Variants in GNAI1 observed in about 807,000 individuals in gnomAD.
GNAI1 encodes G protein subunit alpha i1.
In GNAI1, 11 loss-of-function variants were observed where a neutral mutation model predicts 38.9. The observed-to-expected ratio is 0.28, with a 90% confidence interval of 0.18 to 0.47. GNAI1 has a LOEUF of 0.47. Among genes scored for constraint, GNAI1 ranks in the 20% least tolerant of loss-of-function variants. The pLI, the probability that GNAI1 is intolerant of heterozygous loss-of-function variation, is 0.99. For missense variants in GNAI1, 317 were observed against 436.9 expected, an observed-to-expected ratio of 0.73 and a Z score of 2.45; for synonymous variants, 166 against 145.1, an observed-to-expected ratio of 1.14 and a Z score of -1.04.
chr7:80,187,480 T>C (rs1788408602), intron 1 of GNAI1: 1 of 152,204 alleles, frequency 6.6e-6, no homozygotes, highest in Non-Finnish European at 1.5e-5. Context: ...AGTTCGATGC[T>C]TAATAAAAAA....
At chr7:80,198,139 T>A (rs1478342554) in intron 3 of GNAI1, among the ~76,000 whole-genome samples, 2 of 151,964 alleles carry the variant, frequency 1.3e-5, no homozygotes, top group Non-Finnish European at 2.9e-5. Context: ...TCCAGTATGG[T>A]AGCTACTATC....
intron 1 of GNAI1, among the ~76,000 whole-genome samples, chr7:80,186,173 T>C (rs943857633): frequency 2.0e-5 from 3 of 151,762 alleles, no homozygotes; most frequent in Non-Finnish European, 4.4e-5. Flanking sequence ...GCTGGGTCTA[T>C]AGGCACCTAC....
intron 3 of GNAI1, among the ~76,000 whole-genome samples, chr7:80,191,113 T>A (rs1240310635): frequency 6.6e-6 from 1 of 152,150 alleles, no homozygotes; most frequent in Non-Finnish European, 1.5e-5. Flanking sequence ...TACTTCTGTT[T>A]GCTTTCTCCA....
At chr7:80,188,840 C>A in intron 1 of GNAI1, 111 bp from the exon 2 acceptor site, 1 of 726,276 alleles carries the variant, frequency 1.4e-6, no homozygotes, top group Non-Finnish European at 2.4e-6. Flanking sequence ...GAGGTAGACA[C>A]ACAGAGAGAG....
intron 3 of GNAI1, among the ~76,000 whole-genome samples, chr7:80,189,635 A>C (rs1290219593): frequency 6.6e-6 from 1 of 152,224 alleles, no homozygotes; most frequent in East Asian, 1.9e-4. Context: ...CCTAGACTGA[A>C]AAGCAATCTA....
At chr7:80,137,293 C>CT (rs377362596) in intron 1 of GNAI1, among the ~76,000 whole-genome samples, 87 of 95,282 alleles carry the variant, frequency 9.1e-4, no homozygotes, top group South Asian at 8.9e-3. Context: ...TTTCTTTTTT[C>CT]TTTTTTTTTT....
Position 80,169,677 on chromosome 7 carries a change from CAG to C in GNAI1, c.119-19273_119-19272del, listed in dbSNP as rs540400278. On this transcript the variant is annotated intron_variant, in intron 1 of 7. Transcript: ENST00000649796. ...ACCAAATTTTATTAACTTTTAAAGA[CAG>C]TTTTATTGAGATATAATTCACCAAA... Among the ~76,000 whole-genome samples the C allele has an allele frequency of 2.4e-3, 362 of 152,244 alleles. 1 individual carries two copies. The highest frequency in any genetic ancestry group is 0.014 in the Middle Eastern group (4 of 294).
In GNAI1 at chr7:80,218,083, T is replaced by G. The variant is rs1789004560; in HGVS notation, c.*590T>G. 1 of 152,522 alleles carries G rather than the reference T, an allele frequency of 6.6e-6. No homozygotes were observed. The highest frequency in any genetic ancestry group is 2.4e-5 in the African/African-American group (1 of 41,460). 9.4% of individuals were successfully genotyped at this position (152,522 alleles called of 1,614,324 possible). ...AATAACATGATTTGTTCTTTAAATT[T>G]TATGTGTTTTATTGAAATGTTCTTA... On this transcript the variant is annotated 3_prime_UTR_variant, in exon 8 of 8. Transcript: ENST00000649796.
intron 5 of GNAI1, 94 bp from the exon 6 acceptor site, chr7:80,210,875 A>G: frequency 2.0e-6 from 2 of 1,023,940 alleles, no homozygotes; most frequent in Non-Finnish European, 2.9e-6. Context: ...AGACATTTCC[A>G]CAACTATTCA....
chr7:80,135,504 T>G (rs1383857232), intron 1 of GNAI1: 2 of 407,146 alleles, frequency 4.9e-6, no homozygotes, highest in African/African-American at 4.2e-5. Flanking sequence ...GGCGGGCGCG[T>G]CACTTCACTC....
At chr7:80,180,149 A>G (rs529803579) in intron 1 of GNAI1, among the ~76,000 whole-genome samples, 10 of 152,176 alleles carry the variant, frequency 6.6e-5, no homozygotes, top group Admixed American at 5.2e-4. Flanking sequence ...CATGAGCGCA[A>G]TTAGACTTGA....
In GNAI1 at chr7:80,151,482, A is replaced by G. The variant is rs370111898; in HGVS notation, c.118+16204A>G. Among the ~76,000 whole-genome samples, 11 of 152,164 alleles carry G rather than the reference A, an allele frequency of 7.2e-5. No individual in the cohort carries two copies. The South Asian group carries it at 2.3e-3, about 32-fold the overall frequency. On this transcript the variant is annotated intron_variant, in intron 1 of 7. Transcript: ENST00000649796. ...CTTGTTCTCTCCTGGTTGTGATGTCAGTCAGCTATAAACTGCTTTCACATG... is the reference window on the plus strand; with the variant it reads ...CTTGTTCTCTCCTGGTTGTGATGTCGGTCAGCTATAAACTGCTTTCACATG...
At chr7:80,189,833 C>A (rs1428315834) in intron 3 of GNAI1, among the ~76,000 whole-genome samples, 1 of 152,124 alleles carries the variant, frequency 6.6e-6, no homozygotes, top group Admixed American at 6.5e-5. Flanking sequence ...GATTGCCATA[C>A]AGCTCGTGGT....
chr7:80,217,295 C>A lies in GNAI1; in HGVS notation c.875-8C>A. ...TGCATTTATGTTTCTTTCCTTTTTCCATCTCAGGATCAAACACATATGAAG... is the reference window on the plus strand; with the variant it reads ...TGCATTTATGTTTCTTTCCTTTTTCAATCTCAGGATCAAACACATATGAAG... On this transcript the variant is annotated splice_region_variant and splice_polypyrimidine_tract_variant and intron_variant, in intron 7 of 7. Coordinates refer to ENST00000649796, the MANE Select transcript of GNAI1 (RefSeq NM_002069.6). 2 of 1,485,666 alleles carry A rather than the reference C, an allele frequency of 1.3e-6. No individual in the cohort carries two copies. The highest frequency in any genetic ancestry group is 1.8e-6 in the Non-Finnish European group (2 of 1,110,910). The allele number at this position is 1,485,666 out of a possible 1,614,324, so 92.0% of individuals were successfully genotyped here.
In GNAI1 at chr7:80,135,116, A is replaced by G. The variant is rs770598374; in HGVS notation, c.-45A>G. 7.6e-7 allele frequency: 1 copy of G among 1,320,182 alleles called. No homozygotes were observed. Among genetic ancestry groups the G allele is most frequent in the South Asian group, 1.6e-5 (1 of 60,956 alleles). The allele number at this position is 1,320,182 out of a possible 1,614,324, so 81.8% of individuals were successfully genotyped here. On this transcript the variant is annotated 5_prime_UTR_variant, in exon 1 of 8. Coordinates refer to ENST00000649796, the MANE Select transcript of GNAI1 (RefSeq NM_002069.6). ...GGATTCCCCTGTGCTTGGAGCCCGC[A>G]CTCGGGCGCGGAGGGAGCGGCGGCA...
chr7:80,171,595 GTAT>G (rs1267053660), intron 1 of GNAI1, among the ~76,000 whole-genome samples: 2 of 152,118 alleles, frequency 1.3e-5, no homozygotes, highest in Non-Finnish European at 2.9e-5. Flanking sequence ...GCTTCCCATA[GTAT>G]TATAGAAAAC....
chr7:80,167,212 A>G (rs544006925), intron 1 of GNAI1, among the ~76,000 whole-genome samples: 1 of 152,356 alleles, frequency 6.6e-6, no homozygotes, highest in African/African-American at 2.4e-5. Flanking sequence ...TCCAGACTCG[A>G]ACACTGCACA....
At chr7:80,150,164 G>A (rs866098981) in intron 1 of GNAI1, among the ~76,000 whole-genome samples, 7 of 152,082 alleles carry the variant, frequency 4.6e-5, no homozygotes, top group Admixed American at 2.0e-4. Flanking sequence ...CCTTTGAATC[G>A]ATAATCCCAT....
At chr7:80,194,498 G>A (rs1788535026) in intron 3 of GNAI1, among the ~76,000 whole-genome samples, 1 of 152,096 alleles carries the variant, frequency 6.6e-6, no homozygotes, top group Non-Finnish European at 1.5e-5. Context: ...GTGTTTAAAT[G>A]TAGAACATCC....
Sources: gnomAD v4.1 joint callset for allele counts (sites outside exome capture counted in the v4.1 genomes callset) on GRCh38, gnomAD v4.1.1 for gene constraint, MANE v1.5 for transcripts, NCBI Gene and HGNC (gene_info 2026-07-23, HGNC 2026-07-21) for gene names.